The following MAP7 variants were observed in gnomAD, a reference collection of about 807,000 sequenced individuals.
The protein encoded by MAP7 is ensconsin.
A neutral mutation model predicts 94.8 loss-of-function variants in MAP7; 52 were observed. The ratio of observed to expected loss-of-function variants is 0.55; its 90% CI spans 0.44 to 0.69. The LOEUF (loss-of-function observed/expected upper bound fraction) is 0.69. Ranked by LOEUF, MAP7 falls within the 30% of genes least tolerant of loss-of-function variation. MAP7 has a pLI of 0.00. For synonymous variants in MAP7, 350 were observed against 357.0 expected, an observed-to-expected ratio of 0.98 and a Z score of 0.22; for missense variants, 940 against 964.6, an observed-to-expected ratio of 0.97 and a Z score of 0.34.
At chr6:136,489,419 G>A (rs1815831919) in intron 1 of MAP7, among the ~76,000 whole-genome samples, 1 of 151,368 alleles carries the variant, frequency 6.6e-6, no homozygotes, top group African/African-American at 2.4e-5. Context: ...TTCTTGCCTA[G>A]GCCTGTAACT....
intron 1 of MAP7, among the ~76,000 whole-genome samples, chr6:136,447,973 C>T (rs12215870): frequency 3.9e-5 from 6 of 152,038 alleles, no homozygotes; most frequent in Admixed American, 2.0e-4. Context: ...GGGCAGATCA[C>T]GAGGTCAGGA....
At chr6:136,437,661 A>G (rs1796731446) in intron 1 of MAP7, among the ~76,000 whole-genome samples, 1 of 152,214 alleles carries the variant, frequency 6.6e-6, no homozygotes, top group South Asian at 2.1e-4. Context: ...AGGAGCCTAC[A>G]ATGAAACATC....
intron 1 of MAP7, among the ~76,000 whole-genome samples, chr6:136,505,582 T>C (rs1436926640): frequency 6.6e-6 from 1 of 151,204 alleles, no homozygotes; most frequent in African/African-American, 2.4e-5. Context: ...AAGTCAGAAG[T>C]AAAAGAAAAA....
Position 136,360,040 on chromosome 6 carries a change from A to G in MAP7, c.1804-9T>C, listed in dbSNP as rs1792094497. 1 of 1,607,912 alleles carries G rather than the reference A, an allele frequency of 6.2e-7. No individual in the cohort carries two copies. The highest frequency in any genetic ancestry group is 1.3e-5 in the African/African-American group (1 of 74,570). ...ATAATCTCCTCAAGTCGCTATAGGA[A>G]AGGAAGAATTGAGCAAGAAGATTAG... On this transcript the variant is annotated splice_polypyrimidine_tract_variant and intron_variant, in intron 13 of 17. Coordinates refer to ENST00000354570, the MANE Select transcript of MAP7 (RefSeq NM_003980.6).
At chr6:136,389,215 A>G in intron 4 of MAP7, 139 bp downstream of exon 4, 1 of 1,358,632 alleles carries the variant, frequency 7.4e-7, no homozygotes, top group Non-Finnish European at 9.6e-7. Context: ...ACTCCCTAGA[A>G]ACTGTAGCCA....
intron 1 of MAP7, among the ~76,000 whole-genome samples, chr6:136,473,976 G>T (rs1809952624): frequency 6.6e-6 from 1 of 151,976 alleles, no homozygotes; most frequent in Non-Finnish European, 1.5e-5. Context: ...CAATATTGGG[G>T]GTGGGAGGAG....
intron 1 of MAP7, among the ~76,000 whole-genome samples, chr6:136,422,184 G>A (rs1053404812): frequency 6.6e-6 from 1 of 152,164 alleles, no homozygotes; most frequent in Non-Finnish European, 1.5e-5. Flanking sequence ...TTCTTGCTTT[G>A]GTATATTCAA....
At chr6:136,403,910 C>A (rs1784857581) in intron 3 of MAP7, among the ~76,000 whole-genome samples, 3 of 152,254 alleles carry the variant, frequency 2.0e-5, no homozygotes. Flanking sequence ...ACCTGCCTGA[C>A]AGCCTCATGA....
At chr6:136,363,295 T>C (rs1651191462) in intron 10 of MAP7, among the ~76,000 whole-genome samples, 1 of 152,178 alleles carries the variant, frequency 6.6e-6, no homozygotes, top group African/African-American at 2.4e-5. Context: ...GGAGCAGAAG[T>C]TCTCTGGCCT....
chr6:136,513,433 C>T (rs963616543), intron 1 of MAP7, among the ~76,000 whole-genome samples: 1 of 152,198 alleles, frequency 6.6e-6, no homozygotes, highest in African/African-American at 2.4e-5. Flanking sequence ...AGAAACTAAT[C>T]TGTTCAAGTT....
intron 1 of MAP7, among the ~76,000 whole-genome samples, chr6:136,431,504 A>ATTTATTTT (rs1196470876): frequency 6.7e-6 from 1 of 148,344 alleles, no homozygotes; most frequent in African/African-American, 2.5e-5. Context: ...TTATTTATTT[A>ATTTATTTT]TTTATTTATT....
intron 1 of MAP7, among the ~76,000 whole-genome samples, chr6:136,500,404 G>A (rs1425949866): frequency 6.6e-6 from 1 of 152,138 alleles, no homozygotes; most frequent in Non-Finnish European, 1.5e-5. Flanking sequence ...TATTTGACTT[G>A]TTTTTTAATT....
In MAP7 at chr6:136,388,517, T is replaced by A. The variant is rs1481687547; in HGVS notation, c.409-7A>T. The A allele has an allele frequency of 6.2e-7, 1 of 1,610,942 alleles. No homozygotes were observed. The highest frequency in any genetic ancestry group is 2.2e-5 in the East Asian group (1 of 44,872). On this transcript the variant is annotated splice_region_variant and splice_polypyrimidine_tract_variant and intron_variant, in intron 4 of 17. Coordinates refer to ENST00000354570, the MANE Select transcript of MAP7 (RefSeq NM_003980.6). ...CAACAGCTTCGTGGCGTTCCTTAGA[T>A]GGAATAGAAGAGCTGAGGATTAGAT... is the stretch of plus-strand genomic sequence containing the variant.
intron 1 of MAP7, among the ~76,000 whole-genome samples, chr6:136,460,746 G>C (rs1804928685): frequency 6.6e-6 from 1 of 152,038 alleles, no homozygotes; most frequent in African/African-American, 2.4e-5. Flanking sequence ...GGTAGCTGTA[G>C]AGTTGCTGTC....
intron 1 of MAP7, among the ~76,000 whole-genome samples, chr6:136,488,086 C>T (rs1172174101): frequency 2.0e-5 from 3 of 152,266 alleles, no homozygotes; most frequent in Admixed American, 1.3e-4. Context: ...TGACGATTTT[C>T]TTTTCAAAGT....
intron 1 of MAP7, chr6:136,466,898 GCTAA>G (rs1807311514): frequency 2.4e-5 from 36 of 1,511,696 alleles, no homozygotes; most frequent in Admixed American, 1.2e-4. Context: ...GTTTAATCAT[GCTAA>G]CTATTATCTC....
chr6:136,539,916 C>A (rs1829171004), intron 1 of MAP7, among the ~76,000 whole-genome samples: 1 of 152,148 alleles, frequency 6.6e-6, no homozygotes, highest in Admixed American at 6.5e-5. Context: ...GAGGTCAAGG[C>A]TGTAGTAAGT....
At chr6:136,360,865 C>A in intron 12 of MAP7, 67 bp from the exon 13 acceptor site, 1 of 1,581,904 alleles carries the variant, frequency 6.3e-7, no homozygotes, top group South Asian at 1.1e-5. Flanking sequence ...CCAGGGGGTG[C>A]CCAGAGGTGG....
At chr6:136,543,268 A>G (rs1386200662) in intron 1 of MAP7, among the ~76,000 whole-genome samples, 1 of 152,252 alleles carries the variant, frequency 6.6e-6, no homozygotes, top group Non-Finnish European at 1.5e-5. Flanking sequence ...TCATCAAGAA[A>G]AAGGATGTAC....
Sources: gnomAD v4.1 joint callset for allele counts (sites outside exome capture counted in the v4.1 genomes callset) on GRCh38, gnomAD v4.1.1 for gene constraint, MANE v1.5 for transcripts, NCBI Gene and HGNC (gene_info 2026-07-23, HGNC 2026-07-21) for gene names.